The following ADAMTS19 variants were observed in gnomAD, a reference collection of about 807,000 sequenced individuals.
ADAMTS19 encodes A disintegrin and metalloproteinase with thrombospondin motifs 19.
A neutral mutation model predicts 153.3 loss-of-function variants in ADAMTS19; 93 were observed. The observed-to-expected ratio is 0.61, with a 90% CI of 0.51 to 0.72. The LOEUF (loss-of-function observed/expected upper bound fraction) is 0.72. ADAMTS19 is among the 30% of genes least tolerant of loss of function. The pLI, the probability that ADAMTS19 is intolerant of heterozygous loss-of-function variation, is 0.00. For missense variants in ADAMTS19, 1,482 were observed against 1,552.1 expected (o/e 0.95, Z 0.76); for synonymous variants, 600 against 556.6 (o/e 1.08, Z -1.10).
intron 2 of ADAMTS19, among the ~76,000 whole-genome samples, chr5:129,498,207 T>C (rs901809237): frequency 6.6e-6 from 1 of 152,098 alleles, no homozygotes; most frequent in Admixed American, 6.6e-5. Context: ...CTTTAATTAC[T>C]GTAGTAGCCT....
At chr5:129,530,759 C>T (rs1752172328) in intron 6 of ADAMTS19, among the ~76,000 whole-genome samples, 1 of 151,710 alleles carries the variant, frequency 6.6e-6, no homozygotes, top group African/African-American at 2.4e-5. Flanking sequence ...AAGGATGTCC[C>T]CTCTTACCAC....
intron 15 of ADAMTS19, among the ~76,000 whole-genome samples, chr5:129,662,148 A>G (rs142936638): frequency 6.3e-4 from 96 of 152,368 alleles, no homozygotes; most frequent in Middle Eastern, 3.4e-3. Context: ...TGATTAGCAC[A>G]TAGCAGTTTT....
At chr5:129,631,619 G>A (rs866516539) in intron 10 of ADAMTS19, among the ~76,000 whole-genome samples, 40 of 151,774 alleles carry the variant, frequency 2.6e-4, no homozygotes, top group Admixed American at 1.2e-3. Context: ...TTTATCACTG[G>A]TAGAAGTATA....
intron 4 of ADAMTS19, among the ~76,000 whole-genome samples, chr5:129,526,736 TA>T (rs1288808310): frequency 1.3e-5 from 2 of 151,762 alleles, no homozygotes. Context: ...TTTCCTTTTT[TA>T]AAAAAATGTT....
chr5:129,690,870 C>T (rs1755301782), intron 18 of ADAMTS19, among the ~76,000 whole-genome samples: 1 of 151,996 alleles, frequency 6.6e-6, no homozygotes, highest in South Asian at 2.1e-4. Context: ...GGCATACCCA[C>T]ACACATAGTC....
At chr5:129,636,627 G>A (rs1259939955) in intron 10 of ADAMTS19, among the ~76,000 whole-genome samples, 1 of 152,188 alleles carries the variant, frequency 6.6e-6, no homozygotes, top group Non-Finnish European at 1.5e-5. Context: ...GTGGAGTGGA[G>A]GAGGTGAAAG....
intron 7 of ADAMTS19, among the ~76,000 whole-genome samples, chr5:129,571,695 T>C (rs1430528453): frequency 6.6e-6 from 1 of 151,726 alleles, no homozygotes; most frequent in African/African-American, 2.4e-5. Flanking sequence ...TGCAACTGAA[T>C]GATCAACACA....
intron 6 of ADAMTS19, among the ~76,000 whole-genome samples, chr5:129,534,344 G>A (rs1040118924): frequency 2.0e-5 from 3 of 151,978 alleles, no homozygotes; most frequent in South Asian, 2.1e-4. Context: ...TAAATTCCTC[G>A]ACGCATACAC....
Position 129,679,799 on chromosome 5 carries a change from G to A in ADAMTS19, c.2542G>A (p.Asp848Asn). The change falls in exon 17 of 23, where the codon GAC becomes AAC. Residue 848 changes from aspartate to asparagine, a missense_variant. By Grantham distance (23) the Asp-to-Asn change is conservative (BLOSUM62 1). Transcript: ENST00000274487. ...RDAGKQSINSDWKIEHSGAFN... is the reference protein window; with the variant it reads ...RDAGKQSINSNWKIEHSGAFN... Reference sequence around the variant, plus strand: ...TGCTGGCAAACAGTCTATTAATAGTGACTGGAAGATTGAACACTCTGGAGC... The same window carrying A: ...TGCTGGCAAACAGTCTATTAATAGTAACTGGAAGATTGAACACTCTGGAGC... 1 of 1,613,640 alleles carries A rather than the reference G, an allele frequency of 6.2e-7. No individual in the cohort carries two copies. The highest frequency in any genetic ancestry group is 1.1e-5 in the South Asian group (1 of 91,002).
chr5:129,691,338 A>G (rs573393939), intron 18 of ADAMTS19, among the ~76,000 whole-genome samples: 1 of 152,312 alleles, frequency 6.6e-6, no homozygotes, highest in Non-Finnish European at 1.5e-5. Context: ...GGTGAAGTTA[A>G]TCACCATAAA....
chr5:129,691,028 A>G, intron 18 of ADAMTS19, among the ~76,000 whole-genome samples: 1 of 152,150 alleles, frequency 6.6e-6, no homozygotes, highest in East Asian at 1.9e-4. Context: ...AATGTGAGGT[A>G]CCTCAATAGA....
rs189130103 is a variant in ADAMTS19 at position 129,577,657 on chromosome 5, T to C, written c.1373-18902T>C. 3.7e-4 allele frequency among the ~76,000 whole-genome samples: 57 copies of C among 152,260 alleles called. 1 individual carries two copies. The highest frequency in any genetic ancestry group is 3.2e-3 in the Admixed American group (49 of 15,274). ...AAGATGTAACGATGCTTGCTCACAT[T>C]TGAGAAATGACCAAGAGAAAGCCAA... On this transcript the variant is annotated intron_variant, in intron 7 of 22. Coordinates refer to ENST00000274487, the MANE Select transcript of ADAMTS19 (RefSeq NM_133638.6).
At chr5:129,485,967 T>A (rs1427044599) in intron 2 of ADAMTS19, among the ~76,000 whole-genome samples, 1 of 152,076 alleles carries the variant, frequency 6.6e-6, no homozygotes, top group Non-Finnish European at 1.5e-5. Flanking sequence ...ATTTTTGTAT[T>A]TTTAGTAGGG....
intron 13 of ADAMTS19, among the ~76,000 whole-genome samples, chr5:129,649,524 CA>C (rs1163459366): frequency 2.0e-5 from 3 of 152,040 alleles, no homozygotes; most frequent in African/African-American, 7.2e-5. Flanking sequence ...AGATGGAAAA[CA>C]AATTCATACA....
At chr5:129,475,797 C>T (rs1345026326) in intron 2 of ADAMTS19, among the ~76,000 whole-genome samples, 1 of 152,232 alleles carries the variant, frequency 6.6e-6, no homozygotes, top group Non-Finnish European at 1.5e-5. Context: ...TGTACCACTG[C>T]ACTTCAGCCT....
At chr5:129,626,403 C>A (rs1287877592) in intron 10 of ADAMTS19, among the ~76,000 whole-genome samples, 1 of 152,060 alleles carries the variant, frequency 6.6e-6, no homozygotes, top group Admixed American at 6.6e-5. Context: ...CAATAACCTA[C>A]CTGCACAGAT....
intron 18 of ADAMTS19, among the ~76,000 whole-genome samples, chr5:129,685,582 AATT>A (rs1241973866): frequency 6.6e-6 from 1 of 152,144 alleles, no homozygotes; most frequent in East Asian, 1.9e-4. Flanking sequence ...ATCCTATAAA[AATT>A]AATAAAGTGT....
chr5:129,544,427 A>G (rs1169908517), intron 6 of ADAMTS19, among the ~76,000 whole-genome samples: 3 of 152,210 alleles, frequency 2.0e-5, no homozygotes, highest in Non-Finnish European at 4.4e-5. Flanking sequence ...AATGCTAACA[A>G]TAAACTAATG....
rs1463874460 is a variant in ADAMTS19 at position 129,461,540 on chromosome 5, C to T, written c.530C>T (p.Ala177Val). 6.5e-7 allele frequency: 1 copy of T among 1,533,218 alleles called. No homozygotes were observed. The highest frequency in any genetic ancestry group is 8.7e-7 in the Non-Finnish European group (1 of 1,146,578). The allele number at this position is 1,533,218 out of a possible 1,614,324, so 95.0% of individuals were successfully genotyped here. A position where few individuals can be genotyped will look rare whatever the true frequency, so the allele number is the denominator to read the frequency against. ...GACGAAGTGTTGCTGCGGATCCCGGCCTTCTCTCGGGACCTGTACCTGCTG... is the reference window on the plus strand; with the variant it reads ...GACGAAGTGTTGCTGCGGATCCCGGTCTTCTCTCGGGACCTGTACCTGCTG... Reference protein sequence around the residue: ...DGDEVLLRIPAFSRDLYLLLR... With the variant: ...DGDEVLLRIPVFSRDLYLLLR... Residue 177 changes from alanine to valine, a missense_variant, in exon 2 of 23, where the codon GCC (alanine) becomes GTC (valine). By Grantham distance (64) the Ala-to-Val change is moderately conservative. This residue lies in a region of ADAMTS19 where 866 missense variants were observed against 827.7 expected (regional missense o/e 1.05). Coordinates refer to ENST00000274487, the MANE Select transcript of ADAMTS19 (RefSeq NM_133638.6). The surrounding 1 kb of genome is among the most constrained non-coding windows in gnomAD (Gnocchi z 4.6).
Sources: allele counts gnomAD v4.1 joint callset (sites outside exome capture counted in the v4.1 genomes callset), GRCh38; gene constraint gnomAD v4.1.1; regional missense constraint gnomAD v4.1.1; non-coding constraint Gnocchi (gnomAD v3.1); transcripts MANE v1.5; gene names NCBI Gene and HGNC (gene_info 2026-07-23, HGNC 2026-07-21).